MAPK8: variants seen among roughly 807,000 people sequenced by gnomAD.
The protein encoded by MAPK8 is JUN N-terminal kinase.
In MAPK8, 13 loss-of-function variants were observed where a neutral mutation model predicts 52.9. The observed-to-expected ratio is 0.25, with a 90% CI of 0.16 to 0.39. The LOEUF (loss-of-function observed/expected upper bound fraction) is 0.39, where lower values mean the gene tolerates loss of function less well. Among genes scored for constraint, MAPK8 ranks in the 10% least tolerant of loss-of-function variants. The pLI is 1.00. For synonymous variants in MAPK8, 191 were observed against 169.8 expected, an observed-to-expected ratio of 1.12 and a Z score of -0.97; for missense variants, 300 against 519.2, an observed-to-expected ratio of 0.58 and a Z score of 4.10.
rs1375086395 is a variant in MAPK8 at position 48,306,813 on chromosome 10, C to A, written c.-58C>A. On this transcript the variant is annotated 5_prime_UTR_variant, in exon 1 of 12. Coordinates refer to ENST00000374189, the MANE Select transcript of MAPK8 (RefSeq NM_001323329.2). ...CGGGCTTCCCTGTCGCCGTTCGCTGCGCTGCCGGGTGAGTGCGGCGGACGC... is the reference window on the plus strand; with the variant it reads ...CGGGCTTCCCTGTCGCCGTTCGCTGAGCTGCCGGGTGAGTGCGGCGGACGC... 5.3e-5 allele frequency: 8 copies of A among 151,670 alleles called. No homozygotes were observed. Among genetic ancestry groups the A allele is most frequent in the Admixed American group, 5.2e-4 (8 of 15,242 alleles). The allele number at this position is 151,670 out of a possible 1,614,324, so 9.4% of individuals were successfully genotyped here.
At chr10:48,400,611 A>C (rs1442232198) in intron 1 of MAPK8, among the ~76,000 whole-genome samples, 1 of 152,188 alleles carries the variant, frequency 6.6e-6, no homozygotes, top group East Asian at 1.9e-4. Flanking sequence ...CAGACTGCCT[A>C]GTAGGCAATT....
In MAPK8 at chr10:48,316,300, C is replaced by G. The variant is rs10776593; in HGVS notation, c.-50+9479C>G. Among the ~76,000 whole-genome samples the G allele has an allele frequency of 2.0e-5, 3 of 152,236 alleles. No homozygotes were observed. The South Asian group carries it at 6.2e-4, about 32-fold the overall frequency. On this transcript the variant is annotated intron_variant, in intron 1 of 11. Coordinates refer to ENST00000374189, the MANE Select transcript of MAPK8 (RefSeq NM_001323329.2). ...TGCCTGCAGTATTCAGTACAGTAAC[C>G]TGCTGTACAGGTTCGTAGCCTAGGG...
chr10:48,348,326 G>A (rs536059331), intron 1 of MAPK8, among the ~76,000 whole-genome samples: 39 of 152,120 alleles, frequency 2.6e-4, no homozygotes, highest in East Asian at 2.1e-3. Context: ...ATTTTCTCCC[G>A]TTCTGTAGGT....
chr10:48,365,392 C>A (rs1052341706), intron 1 of MAPK8, among the ~76,000 whole-genome samples: 9 of 152,152 alleles, frequency 5.9e-5, no homozygotes, highest in African/African-American at 1.9e-4. Context: ...GTAATGCGAA[C>A]TGAACCCAAA....
chr10:48,426,109 G>A, intron 8 of MAPK8, 39 bp downstream of exon 8: 2 of 1,516,572 alleles, frequency 1.3e-6, no homozygotes, highest in Middle Eastern at 1.7e-4. Context: ...CCCATTTGGG[G>A]TGTGTAGTGT....
At chr10:48,382,825 G>A (rs2132748759) in intron 1 of MAPK8, among the ~76,000 whole-genome samples, 1 of 143,912 alleles carries the variant, frequency 6.9e-6, no homozygotes, top group Admixed American at 7.0e-5. Flanking sequence ...ATATGACTCA[G>A]GCTAGCTATA....
intron 5 of MAPK8, among the ~76,000 whole-genome samples, chr10:48,415,601 G>A (rs1310383358): frequency 6.6e-6 from 1 of 152,178 alleles, no homozygotes; most frequent in Non-Finnish European, 1.5e-5. Context: ...AGGCAGAGAG[G>A]TTGGCAGACA....
At chr10:48,333,023 C>T (rs1262003307) in intron 1 of MAPK8, among the ~76,000 whole-genome samples, 3 of 152,140 alleles carry the variant, frequency 2.0e-5, no homozygotes, top group African/African-American at 7.2e-5. Flanking sequence ...TGTTATGTCC[C>T]TTGCCATCTG....
Position 48,420,857 on chromosome 10 carries a change from CTT to C in MAPK8, c.616+540_616+541del, listed in dbSNP as rs535851705. Among the ~76,000 whole-genome samples the C allele has an allele frequency of 2.0e-4, 31 of 152,266 alleles. 1 individual carries two copies. In the South Asian group the frequency reaches 3.7e-3, roughly 18 times the overall value. Reference sequence around the variant, plus strand: ...GTTGTATCCAGCCTTAAGGAAATGACTTTTAGTATTTTGTATGGGTATATCCA... The same window carrying C: ...GTTGTATCCAGCCTTAAGGAAATGACTTAGTATTTTGTATGGGTATATCCA... On this transcript the variant is annotated intron_variant, in intron 6 of 11. Transcript: ENST00000374189.
At chr10:48,385,204 C>G (rs1020875130) in intron 1 of MAPK8, among the ~76,000 whole-genome samples, 1 of 152,136 alleles carries the variant, frequency 6.6e-6, no homozygotes, top group African/African-American at 2.4e-5. Flanking sequence ...TGAGACATGA[C>G]TACTGTACAT....
intron 1 of MAPK8, among the ~76,000 whole-genome samples, chr10:48,340,324 A>G (rs147496296): frequency 3.3e-5 from 5 of 152,334 alleles, no homozygotes; most frequent in African/African-American, 4.8e-5. Context: ...GTTCTTACTT[A>G]TAAGTGGGAG....
intron 1 of MAPK8, among the ~76,000 whole-genome samples, chr10:48,320,759 A>G (rs772441080): frequency 4.3e-4 from 66 of 152,334 alleles, no homozygotes; most frequent in Non-Finnish European, 7.9e-4. Flanking sequence ...TTGCTGGGTC[A>G]TATGGGTAAC....
At chr10:48,361,504 C>T (rs1388360018) in intron 1 of MAPK8, among the ~76,000 whole-genome samples, 1 of 152,096 alleles carries the variant, frequency 6.6e-6, no homozygotes, top group Non-Finnish European at 1.5e-5. Context: ...TTTACCTTTC[C>T]TAGGCTTGAA....
At chr10:48,415,982 A>C (rs1399769539) in intron 5 of MAPK8, among the ~76,000 whole-genome samples, 1 of 152,106 alleles carries the variant, frequency 6.6e-6, no homozygotes, top group Non-Finnish European at 1.5e-5. Flanking sequence ...ATCTCCCTTT[A>C]TCTTGGCTTG....
chr10:48,357,981 A>G (rs1453224320), intron 1 of MAPK8, among the ~76,000 whole-genome samples: 1 of 152,196 alleles, frequency 6.6e-6, no homozygotes, highest in Admixed American at 6.5e-5. Context: ...TTCACTTAGC[A>G]TAATGTCCTC....
chr10:48,427,807 G>T (rs938667606), intron 10 of MAPK8, among the ~76,000 whole-genome samples: 2 of 152,184 alleles, frequency 1.3e-5, no homozygotes, highest in African/African-American at 4.8e-5. Context: ...ATATCTGGAA[G>T]GTTATTCTCT....
chr10:48,308,542 G>A (rs1012191779), intron 1 of MAPK8, among the ~76,000 whole-genome samples: 1 of 152,116 alleles, frequency 6.6e-6, no homozygotes, highest in Non-Finnish European at 1.5e-5. Context: ...GATAAATAAA[G>A]TAGGTTGTGG....
chr10:48,426,578 A>C (rs1387664667), intron 9 of MAPK8, 74 bp downstream of exon 9: 1 of 1,389,262 alleles, frequency 7.2e-7, no homozygotes, highest in Non-Finnish European at 9.8e-7. Context: ...TTTGGAGGAG[A>C]CCTTTTAATT....
chr10:48,356,841 C>CAAAAAAAAAAAAAAAAAAAAAAAAA (rs869186711), intron 1 of MAPK8, among the ~76,000 whole-genome samples: 1 of 30,268 alleles, frequency 3.3e-5, no homozygotes, highest in Non-Finnish European at 6.6e-5. Flanking sequence ...GACTCCGTCT[C>CAAAAAAAAAAAAAAAAAAAAAAAAA]AAAAAAAAAA....
Sources: gnomAD v4.1 joint callset for allele counts (sites outside exome capture counted in the v4.1 genomes callset) on GRCh38, gnomAD v4.1.1 for gene constraint, MANE v1.5 for transcripts, NCBI Gene and HGNC (gene_info 2026-07-23, HGNC 2026-07-21) for gene names.